The following MRAP2 variants were observed in gnomAD, a reference collection of about 807,000 sequenced individuals.
The protein encoded by MRAP2 is melanocortin-2 receptor accessory protein 2.
Under a neutral mutation model 17.4 loss-of-function variants are expected in MRAP2, and 20 were observed. The ratio of observed to expected loss-of-function variants is 1.15; its 90% confidence interval spans 0.81 to 1.67. MRAP2 has a LOEUF of 1.67. Ranked by LOEUF, MRAP2 falls within the 40% of genes most tolerant of loss-of-function variation. MRAP2 has a pLI of 0.00. For synonymous variants in MRAP2, 96 were observed against 88.4 expected, an observed-to-expected ratio of 1.09 and a Z score of -0.48; for missense variants, 238 against 240.0, an observed-to-expected ratio of 0.99 and a Z score of 0.05.
intron 2 of MRAP2, among the ~76,000 whole-genome samples, chr6:84,061,315 A>G (rs1212993683): frequency 1.3e-5 from 2 of 152,222 alleles, no homozygotes; most frequent in African/African-American, 4.8e-5. Context: ...TTGTATTTCC[A>G]CATAGACAAG....
the MRAP2 span, among the ~76,000 whole-genome samples, chr6:84,135,336 T>C: frequency 6.6e-6 from 1 of 152,346 alleles, no homozygotes; most frequent in Non-Finnish European, 1.5e-5. Flanking sequence ...ACCCAGATGA[T>C]GTCACTTAAA....
chr6:84,115,972 C>T, the MRAP2 span, among the ~76,000 whole-genome samples: 21 of 152,162 alleles, frequency 1.4e-4, no homozygotes, highest in Non-Finnish European at 1.2e-4. Context: ...AGAGATCACC[C>T]GCCTTCTGCA....
chr6:84,048,738 A>C (rs2099489656), intron 1 of MRAP2, among the ~76,000 whole-genome samples: 1 of 152,212 alleles, frequency 6.6e-6, no homozygotes, highest in Admixed American at 6.5e-5. Flanking sequence ...TCCTGATTCT[A>C]CATTCACCAG....
At chr6:84,062,395 G>A (rs902181888) in intron 2 of MRAP2, 16 of 363,332 alleles carry the variant, frequency 4.4e-5, no homozygotes, top group African/African-American at 2.2e-4. Flanking sequence ...CAACCATGAG[G>A]CAGCCCAGAG....
intron 1 of MRAP2, among the ~76,000 whole-genome samples, chr6:84,038,997 G>A (rs2099486843): frequency 6.6e-6 from 1 of 152,212 alleles, no homozygotes. Context: ...ATTAAGTAGA[G>A]TAGCAATCTG....
At chr6:84,064,780 C>T in intron 3 of MRAP2, among the ~76,000 whole-genome samples, 1 of 152,174 alleles carries the variant, frequency 6.6e-6, no homozygotes, top group Non-Finnish European at 1.5e-5. Flanking sequence ...AGCCACCGCG[C>T]CGGGCCGAAT....
intron 2 of MRAP2, among the ~76,000 whole-genome samples, chr6:84,058,821 G>C (rs562804561): frequency 6.6e-6 from 1 of 152,324 alleles, no homozygotes; most frequent in Admixed American, 6.5e-5. Context: ...TGTGTCAAAT[G>C]CTGCTATTAG....
chr6:84,142,141 C>G, the MRAP2 span, among the ~76,000 whole-genome samples: 1 of 152,102 alleles, frequency 6.6e-6, no homozygotes, highest in Non-Finnish European at 1.5e-5. Context: ...ACTCCTTTAC[C>G]CCAAATTTCA....
the MRAP2 span, among the ~76,000 whole-genome samples, chr6:84,133,899 T>C: frequency 8.5e-5 from 13 of 152,188 alleles, no homozygotes; most frequent in African/African-American, 3.1e-4. Flanking sequence ...ATGAACCTGG[T>C]ACCTCAGTTG....
intron 1 of MRAP2, among the ~76,000 whole-genome samples, chr6:84,044,363 T>G (rs1169317049): frequency 2.6e-5 from 4 of 152,196 alleles, no homozygotes; most frequent in African/African-American, 9.7e-5. Context: ...ATTTTTGTAT[T>G]TTTAGTAGAG....
At chr6:84,144,420 C>T in the MRAP2 span, among the ~76,000 whole-genome samples, 7 of 152,134 alleles carry the variant, frequency 4.6e-5, no homozygotes, top group Admixed American at 3.3e-4. Context: ...ATTTCCATAT[C>T]AAGTGCATTA....
chr6:84,128,214 T>C, the MRAP2 span, among the ~76,000 whole-genome samples: 1 of 152,198 alleles, frequency 6.6e-6, no homozygotes, highest in African/African-American at 2.4e-5. Context: ...CTTAGAAATC[T>C]GGTTTTAGAC....
chr6:84,082,224 A>G (rs1170001933), intron 3 of MRAP2, among the ~76,000 whole-genome samples: 2 of 152,344 alleles, frequency 1.3e-5, no homozygotes, highest in East Asian at 3.9e-4. Context: ...AGTCTATTCT[A>G]TAGGCAGATA....
At chr6:84,118,898 C>T in the MRAP2 span, among the ~76,000 whole-genome samples, 16 of 152,210 alleles carry the variant, frequency 1.1e-4, no homozygotes, top group African/African-American at 3.6e-4. Context: ...CATTCTTCTG[C>T]ATGTGGATAT....
the MRAP2 span, among the ~76,000 whole-genome samples, chr6:84,135,885 C>G: frequency 6.6e-6 from 1 of 152,300 alleles, no homozygotes. Context: ...AAAAATGAGC[C>G]TGGTACACTG....
At chr6:84,131,332 G>A in the MRAP2 span, among the ~76,000 whole-genome samples, 1 of 152,130 alleles carries the variant, frequency 6.6e-6, no homozygotes, top group Non-Finnish European at 1.5e-5. Context: ...GTTGATTTGG[G>A]GTGGAGAGTT....
chr6:84,058,121 G>A (rs1023150705), intron 2 of MRAP2, among the ~76,000 whole-genome samples: 1 of 152,202 alleles, frequency 6.6e-6, no homozygotes, highest in Non-Finnish European at 1.5e-5. Context: ...ACTCTGAGAA[G>A]TCACTGGAGG....
intron 1 of MRAP2, among the ~76,000 whole-genome samples, chr6:84,051,160 G>C (rs2099490311): frequency 6.6e-6 from 1 of 152,194 alleles, no homozygotes; most frequent in Admixed American, 6.5e-5. Context: ...ATCCACCAGG[G>C]ATATTGACAC....
At chr6:84,145,656 A>G in the MRAP2 span, among the ~76,000 whole-genome samples, 6 of 151,764 alleles carry the variant, frequency 4.0e-5, no homozygotes, top group African/African-American at 9.7e-5. Flanking sequence ...TTTTTCTCCT[A>G]CCCTCCTGCC....
Sources: gnomAD v4.1 joint callset for allele counts (sites outside exome capture counted in the v4.1 genomes callset) on GRCh38, gnomAD v4.1.1 for gene constraint, MANE v1.5 for transcripts, NCBI Gene and HGNC (gene_info 2026-07-23, HGNC 2026-07-21) for gene names.